DYNC1I1: variants seen among roughly 807,000 people sequenced by gnomAD.
The protein encoded by DYNC1I1 is dynein cytoplasmic 1 intermediate chain 1.
Under a neutral mutation model 86.6 loss-of-function variants are expected in DYNC1I1, and 43 were observed. The observed-to-expected ratio is 0.50, with a 90% confidence interval of 0.39 to 0.64. The LOEUF (loss-of-function observed/expected upper bound fraction) is 0.64. Among genes scored for constraint, DYNC1I1 ranks in the 30% least tolerant of loss-of-function variants. DYNC1I1 has a pLI of 0.00. For missense variants in DYNC1I1, 604 were observed against 788.8 expected, an observed-to-expected ratio of 0.77 and a Z score of 2.81; for synonymous variants, 262 against 283.7, an observed-to-expected ratio of 0.92 and a Z score of 0.77.
At chr7:96,092,127 G>T (rs1584315921) in intron 16 of DYNC1I1, among the ~76,000 whole-genome samples, 1 of 151,954 alleles carries the variant, frequency 6.6e-6, no homozygotes, top group African/African-American at 2.4e-5. Flanking sequence ...GACTACTTAG[G>T]AAATTATTTG....
intron 14 of DYNC1I1, among the ~76,000 whole-genome samples, chr7:96,065,667 C>T (rs770816805): frequency 1.3e-5 from 2 of 152,250 alleles, no homozygotes; most frequent in Admixed American, 6.5e-5. Context: ...AGATTACAGG[C>T]GTGAGCCACC....
chr7:96,107,033 C>CA (rs1554447872), intron 16 of DYNC1I1, among the ~76,000 whole-genome samples: 29 of 145,802 alleles, frequency 2.0e-4, no homozygotes, highest in African/African-American at 6.7e-4. Flanking sequence ...TTCATTCATA[C>CA]TTTTTTTTTT....
chr7:95,831,553 G>C (rs548317006), intron 5 of DYNC1I1, among the ~76,000 whole-genome samples: 5 of 152,076 alleles, frequency 3.3e-5, no homozygotes, highest in Non-Finnish European at 5.9e-5. Flanking sequence ...ATAATATGTA[G>C]CTCTAGTTTT....
intron 14 of DYNC1I1, among the ~76,000 whole-genome samples, chr7:96,067,485 G>A (rs893709052): frequency 1.3e-5 from 2 of 148,418 alleles, no homozygotes; most frequent in Non-Finnish European, 3.0e-5. Context: ...AGCTCACCCA[G>A]GGAGAATACT....
At chr7:96,050,562 A>G (rs1789375996) in intron 14 of DYNC1I1, among the ~76,000 whole-genome samples, 1 of 152,196 alleles carries the variant, frequency 6.6e-6, no homozygotes, top group Non-Finnish European at 1.5e-5. Context: ...TGGGACAAAC[A>G]TGATATTACA....
chr7:96,020,531 A>G (rs1034551658), intron 10 of DYNC1I1, among the ~76,000 whole-genome samples: 2 of 152,180 alleles, frequency 1.3e-5, no homozygotes, highest in Non-Finnish European at 2.9e-5. Context: ...CAACACGTGG[A>G]AACTCAAGAT....
intron 10 of DYNC1I1, among the ~76,000 whole-genome samples, chr7:96,025,666 G>GGATGAATGAATGAATGAAGAATGAACA (rs1794660546): frequency 6.6e-6 from 1 of 152,142 alleles, no homozygotes; most frequent in South Asian, 2.1e-4. Context: ...GGTAAGTGTT[G>GGATGAATGAATGAATGAAGAATGAACA]GATGAATGAA....
chr7:96,013,708 C>T (rs1462632680), intron 10 of DYNC1I1, among the ~76,000 whole-genome samples: 2 of 152,176 alleles, frequency 1.3e-5, no homozygotes, highest in Non-Finnish European at 2.9e-5. Context: ...ATCCTCTGGC[C>T]TTGGCCTCCC....
chr7:95,942,119 C>T (rs1045607831), intron 6 of DYNC1I1, among the ~76,000 whole-genome samples: 15 of 151,808 alleles, frequency 9.9e-5, no homozygotes, highest in African/African-American at 2.9e-4. Flanking sequence ...ATTGATAGAC[C>T]GCTAGCAAGA....
chr7:95,894,550 C>G (rs1790828109), intron 6 of DYNC1I1, among the ~76,000 whole-genome samples: 1 of 152,072 alleles, frequency 6.6e-6, no homozygotes, highest in Non-Finnish European at 1.5e-5. Flanking sequence ...TAGGAATTAG[C>G]TATTTCTTCA....
At chr7:95,830,133 C>G (rs1453223601) in intron 5 of DYNC1I1, among the ~76,000 whole-genome samples, 3 of 152,054 alleles carry the variant, frequency 2.0e-5, no homozygotes, top group Non-Finnish European at 4.4e-5. Context: ...TTTTATTTCA[C>G]CTTCTTGAGC....
chr7:95,896,597 A>G (rs1011693056), intron 6 of DYNC1I1, among the ~76,000 whole-genome samples: 5 of 152,206 alleles, frequency 3.3e-5, no homozygotes, highest in African/African-American at 1.2e-4. Flanking sequence ...TTGGTTTCAC[A>G]CACAGCTCAG....
intron 2 of DYNC1I1, among the ~76,000 whole-genome samples, chr7:95,809,151 G>A (rs1794771000): frequency 6.6e-6 from 1 of 152,136 alleles, no homozygotes; most frequent in Non-Finnish European, 1.5e-5. Context: ...AAAAATATGA[G>A]TGATTTAGCT....
chr7:95,877,198 C>T (rs1382327936), intron 6 of DYNC1I1, among the ~76,000 whole-genome samples: 1 of 152,120 alleles, frequency 6.6e-6, no homozygotes, highest in African/African-American at 2.4e-5. Flanking sequence ...CTACTTGTTT[C>T]AGAAGATAAG....
At chr7:96,030,721 G>A (rs893614058) in intron 11 of DYNC1I1, among the ~76,000 whole-genome samples, 2 of 152,074 alleles carry the variant, frequency 1.3e-5, no homozygotes, top group South Asian at 2.1e-4. Flanking sequence ...GTTTTACTAA[G>A]TCTATACCAT....
chr7:95,970,765 C>T (rs1793145910), intron 6 of DYNC1I1, among the ~76,000 whole-genome samples: 1 of 152,112 alleles, frequency 6.6e-6, no homozygotes, highest in African/African-American at 2.4e-5. Flanking sequence ...CTTTGAGGGA[C>T]ATTTACTCTG....
chr7:95,813,393 A>C, intron 4 of DYNC1I1, 56 bp downstream of exon 4: 3 of 1,512,592 alleles, frequency 2.0e-6, no homozygotes, highest in East Asian at 4.5e-5. Context: ...AAAAAAAAAA[A>C]CAGCAACAAC....
At chr7:95,987,007 G>T (rs762930113) in intron 8 of DYNC1I1, 49 bp from the exon 9 acceptor site, 2 of 1,536,204 alleles carry the variant, frequency 1.3e-6, no homozygotes, top group Non-Finnish European at 9.0e-7. Context: ...TATATGAGCA[G>T]CATAGAGAAA....
intron 6 of DYNC1I1, among the ~76,000 whole-genome samples, chr7:95,977,074 T>C (rs753677116): frequency 5.9e-5 from 9 of 152,206 alleles, no homozygotes; most frequent in Non-Finnish European, 1.2e-4. Flanking sequence ...AACCCTTTCC[T>C]GTAGGTCAAA....
Sources: allele counts gnomAD v4.1 joint callset (sites outside exome capture counted in the v4.1 genomes callset), GRCh38; gene constraint gnomAD v4.1.1; transcripts MANE v1.5; gene names NCBI Gene and HGNC (gene_info 2026-07-23, HGNC 2026-07-21).